Variants in EFTUD2 observed in about 807,000 individuals in gnomAD.
EFTUD2 encodes the protein elongation factor Tu GTP binding domain containing 2.
A neutral mutation model predicts 114.3 loss-of-function variants in EFTUD2; 9 were observed. The ratio of observed to expected loss-of-function variants is 0.08; its 90% confidence interval spans 0.05 to 0.14. The LOEUF is 0.14. Among genes scored for constraint, EFTUD2 ranks in the 10% least tolerant of loss-of-function variants. The pLI, the probability that EFTUD2 is intolerant of heterozygous loss-of-function variation, is 1.00. For synonymous variants in EFTUD2, 449 were observed against 462.3 expected (o/e 0.97, Z 0.37); for missense variants, 765 against 1,241.2 (o/e 0.62, Z 5.76).
chr17:44,863,360 CTG>C, intron 15 of EFTUD2: 1 of 298,954 alleles, frequency 3.3e-6, no homozygotes. Context: ...AGGCAACATG[CTG>C]AACACAACCG....
In EFTUD2 at chr17:44,850,248, A is replaced by C. The variant is rs2050417490; in HGVS notation, c.*1026T>G. On this transcript the variant is annotated 3_prime_UTR_variant, in exon 28 of 28. Transcript: ENST00000426333. Reference sequence around the variant, plus strand: ...GCTGGACTCTCAAGGGAGCAGCTAGAGGTGAACCCCTAGGACGCCTGAGAG... The same window carrying C: ...GCTGGACTCTCAAGGGAGCAGCTAGCGGTGAACCCCTAGGACGCCTGAGAG... The C allele has an allele frequency of 1.9e-6, 2 of 1,032,982 alleles. No homozygotes were observed. The highest frequency in any genetic ancestry group is 2.9e-6 in the Non-Finnish European group (2 of 683,566). 64.0% of individuals were successfully genotyped at this position (1,032,982 alleles called of 1,614,324 possible). A position where few individuals can be genotyped will look rare whatever the true frequency, so the allele number is the denominator to read the frequency against.
intron 4 of EFTUD2, among the ~76,000 whole-genome samples, chr17:44,884,937 C>T (rs2051139565): frequency 6.6e-6 from 1 of 152,134 alleles, no homozygotes; most frequent in African/African-American, 2.4e-5. Context: ...TCCTAAAATA[C>T]TCAGCAGTCT....
At chr17:44,883,182 A>G (rs1236195306) in intron 5 of EFTUD2, 24 bp from the exon 6 acceptor site, 1 of 1,613,112 alleles carries the variant, frequency 6.2e-7, no homozygotes, top group Non-Finnish European at 8.5e-7. Flanking sequence ...AACAGTTAAC[A>G]TCTGCCGACC....
chr17:44,885,918 C>T (rs113378845), intron 3 of EFTUD2, among the ~76,000 whole-genome samples: 1 of 152,050 alleles, frequency 6.6e-6, no homozygotes. Flanking sequence ...CATGAGCCAC[C>T]GCTTCCAGCC....
At chr17:44,884,734 A>G (rs1169623555) in intron 4 of EFTUD2, among the ~76,000 whole-genome samples, 1 of 151,872 alleles carries the variant, frequency 6.6e-6, no homozygotes, top group Non-Finnish European at 1.5e-5. Flanking sequence ...AAAAAACACA[A>G]AAATTAGCCA....
chr17:44,857,272 G>T, intron 19 of EFTUD2, 115 bp from the exon 20 acceptor site: 1 of 783,710 alleles, frequency 1.3e-6, no homozygotes, highest in Non-Finnish European at 2.2e-6. Flanking sequence ...AACCCCAACT[G>T]CCTTAATCAG....
intron 11 of EFTUD2, among the ~76,000 whole-genome samples, chr17:44,872,054 A>T (rs2050864679): frequency 6.6e-6 from 1 of 152,046 alleles, no homozygotes; most frequent in Non-Finnish European, 1.5e-5. Flanking sequence ...TCTCAATTAG[A>T]CCCATGAAAT....
chr17:44,868,809 G>T (rs990641416), intron 11 of EFTUD2, among the ~76,000 whole-genome samples: 1 of 152,142 alleles, frequency 6.6e-6, no homozygotes, highest in Admixed American at 6.5e-5. Flanking sequence ...ATAAGGTTCT[G>T]GCTAGCCCTA....
chr17:44,853,212 A>G (rs770484526), intron 25 of EFTUD2, 84 bp downstream of exon 25: 13 of 1,432,140 alleles, frequency 9.1e-6, no homozygotes, highest in Non-Finnish European at 1.2e-5. Flanking sequence ...GAGAAGGCCA[A>G]CCTCTCTTCC....
intron 9 of EFTUD2, among the ~76,000 whole-genome samples, chr17:44,876,855 CAAAAAAAAAAA>C (rs58892812): frequency 6.2e-5 from 3 of 48,232 alleles, no homozygotes; most frequent in African/African-American, 2.9e-4. Context: ...GACTCCGTCT[CAAAAAAAAAAA>C]AAAAAAAAAA....
intron 2 of EFTUD2, among the ~76,000 whole-genome samples, chr17:44,887,214 A>G (rs1218060253): frequency 1.3e-5 from 2 of 152,226 alleles, no homozygotes; most frequent in African/African-American, 4.8e-5. Context: ...AACCTCCCAC[A>G]CTGCTGATGG....
chr17:44,866,705 C>A (rs996085681), intron 13 of EFTUD2, among the ~76,000 whole-genome samples: 1 of 152,090 alleles, frequency 6.6e-6, no homozygotes, highest in Non-Finnish European at 1.5e-5. Context: ...GGTTGCAAAG[C>A]GGTTCATTTT....
In EFTUD2 at chr17:44,869,721, T is replaced by C. The variant is rs182306024; in HGVS notation, c.995-1371A>G. ...AAGTCTGGAATTCTTGGCTTTCTAC[T>C]CTTTATTTGCCCAAGCCCCATCTCT... On this transcript the variant is annotated intron_variant, in intron 11 of 27. Transcript: ENST00000426333. Among the ~76,000 whole-genome samples the C allele has an allele frequency of 9.0e-3, 1,374 of 152,298 alleles. 16 individuals are homozygous for C. Among genetic ancestry groups the C allele is most frequent in the African/African-American group, 0.031 (1,295 of 41,558 alleles).
At position 44,885,341 on chromosome 17, in the gene EFTUD2, G is replaced by GAAAA; in HGVS notation, c.272-11_272-8dup. ...ACTGGCTTAATAATGGGTTCTAGAA[G>GAAAA]AAAAAAAAAAGGTAGTGATGTGTAG... On this transcript the variant is annotated splice_region_variant and splice_polypyrimidine_tract_variant and intron_variant, in intron 3 of 27. Coordinates refer to ENST00000426333, the MANE Select transcript of EFTUD2 (RefSeq NM_004247.4). 2 of 1,458,278 alleles carry GAAAA rather than the reference G, an allele frequency of 1.4e-6. No homozygotes were observed. The highest frequency in any genetic ancestry group is 1.4e-5 in the African/African-American group (1 of 69,100). 90.3% of individuals were successfully genotyped at this position (1,458,278 alleles called of 1,614,324 possible).
intron 27 of EFTUD2, 89 bp downstream of exon 27, chr17:44,851,621 G>C: frequency 7.6e-7 from 1 of 1,320,746 alleles, no homozygotes; most frequent in Non-Finnish European, 1.0e-6. Flanking sequence ...GTGTCCCTTA[G>C]GAAAAGGGGC....
intron 9 of EFTUD2, 126 bp from the exon 10 acceptor site, chr17:44,876,226 T>C: frequency 8.8e-7 from 1 of 1,130,550 alleles, no homozygotes; most frequent in Non-Finnish European, 1.2e-6. Flanking sequence ...CGGGAAATAT[T>C]ACTGGGTGGA....
chr17:44,864,741 T>G (rs997656734), intron 14 of EFTUD2, among the ~76,000 whole-genome samples, 189 bp downstream of exon 14: 1 of 152,156 alleles, frequency 6.6e-6, no homozygotes, highest in Non-Finnish European at 1.5e-5. Flanking sequence ...GTTCCCAAGA[T>G]AGAATGTGTG....
chr17:44,853,215 T>A (rs567202325), intron 25 of EFTUD2, 81 bp downstream of exon 25: 2 of 1,475,134 alleles, frequency 1.4e-6, no homozygotes, highest in East Asian at 4.6e-5. Flanking sequence ...AAGGCCAACC[T>A]CTCTTCCCTG....
chr17:44,891,941 G>A (rs542955910), intron 2 of EFTUD2: 5 of 152,040 alleles, frequency 3.3e-5, no homozygotes, highest in Admixed American at 2.0e-4. Flanking sequence ...TGTATTTTTA[G>A]TAGAGACGGT....
Sources: gnomAD v4.1 joint callset for allele counts (sites outside exome capture counted in the v4.1 genomes callset) on GRCh38, gnomAD v4.1.1 for gene constraint, MANE v1.5 for transcripts, NCBI Gene and HGNC (gene_info 2026-07-23, HGNC 2026-07-21) for gene names.